Variants in TSHZ3 observed in about 807,000 individuals in gnomAD.
The protein encoded by TSHZ3 is teashirt zinc finger homeobox 3, also known as teashirt homolog 3.
In TSHZ3, 10 loss-of-function variants were observed where a neutral mutation model predicts 64.5. The ratio of observed to expected loss-of-function variants is 0.16; its 90% CI spans 0.10 to 0.26. The LOEUF is 0.26. Among genes scored for constraint, TSHZ3 ranks in the 10% least tolerant of loss-of-function variants. The probability of loss-of-function intolerance (pLI) is 1.00; values close to 1 mark genes in which losing one functional copy is unlikely to be tolerated. For synonymous variants in TSHZ3, 608 were observed against 593.1 expected (o/e 1.03, Z -0.36); for missense variants, 1,242 against 1,421.7 (o/e 0.87, Z 2.03).
chr19:31,163,380 A>G (rs186700666), intron 5 of TSHZ3, among the ~76,000 whole-genome samples: 23 of 152,284 alleles, frequency 1.5e-4, no homozygotes, highest in African/African-American at 5.3e-4. Flanking sequence ...TGTAGTGGAG[A>G]ATAGAGAGGC....
intron 1 of TSHZ3, among the ~76,000 whole-genome samples, chr19:31,261,855 A>G (rs1404301059): frequency 6.6e-6 from 1 of 152,164 alleles, no homozygotes; most frequent in Non-Finnish European, 1.5e-5. Flanking sequence ...AGAGATGTTA[A>G]GCCATCAGTC....
intron 1 of TSHZ3, among the ~76,000 whole-genome samples, chr19:31,301,313 C>G (rs577316978): frequency 1.3e-5 from 2 of 152,182 alleles, no homozygotes; most frequent in Non-Finnish European, 2.9e-5. Context: ...GCCCAGTGAA[C>G]AGCAGCATTG....
chr19:31,338,585 T>C (rs1205486564), intron 1 of TSHZ3, among the ~76,000 whole-genome samples: 2 of 149,798 alleles, frequency 1.3e-5, no homozygotes, highest in African/African-American at 4.9e-5. Context: ...TTTTTTCTTT[T>C]TTTTTTTTTT....
intron 1 of TSHZ3, among the ~76,000 whole-genome samples, chr19:31,253,923 T>C (rs1975874696): frequency 6.6e-6 from 1 of 152,074 alleles, no homozygotes; most frequent in Non-Finnish European, 1.5e-5. Flanking sequence ...ATCTCAAAAT[T>C]AAGGAAATTT....
chr19:31,238,723 T>C (rs1383115978), intron 3 of TSHZ3, among the ~76,000 whole-genome samples: 1 of 152,206 alleles, frequency 6.6e-6, no homozygotes, highest in Non-Finnish European at 1.5e-5. Context: ...TTCTTACTCT[T>C]ATTGTTTGCA....
chr19:31,171,120 T>C (rs1355139025), intron 5 of TSHZ3, among the ~76,000 whole-genome samples: 4 of 152,048 alleles, frequency 2.6e-5, no homozygotes, highest in Non-Finnish European at 5.9e-5. Flanking sequence ...GTACACTTGG[T>C]AGAAAAAATG....
At position 31,258,417 on chromosome 19, in the gene TSHZ3, C is replaced by T. The variant is rs529380111; in HGVS notation, n.64-15542G>A. On this transcript the variant is annotated intron_variant and non_coding_transcript_variant, in intron 1 of 6. Coordinates refer to the TSHZ3 transcript ENST00000651361. ...CTTGATGGCCAGGAGAGGCCACTTG[C>T]AAACCCTTGCTCCAAGTCCTCAACC... Among the ~76,000 whole-genome samples, 13 of 152,310 alleles carry T rather than the reference C, an allele frequency of 8.5e-5. No individual in the cohort carries two copies. In the South Asian group the frequency reaches 2.7e-3, roughly 32 times the overall value.
chr19:31,269,979 C>T (rs1976112940), downstream of TSHZ3, among the ~76,000 whole-genome samples: 1 of 152,190 alleles, frequency 6.6e-6, no homozygotes, highest in South Asian at 2.1e-4. Flanking sequence ...AAGAACAGCA[C>T]AGGGACCGCC....
downstream of TSHZ3, among the ~76,000 whole-genome samples, chr19:31,271,204 G>C (rs747355208): frequency 1.3e-5 from 2 of 152,104 alleles, no homozygotes; most frequent in East Asian, 3.9e-4. Flanking sequence ...ATCATCCAGC[G>C]CTTTGGGATG....
chr19:31,167,387 C>T (rs1331821822), intron 5 of TSHZ3: 1 of 152,124 alleles, frequency 6.6e-6, no homozygotes, highest in Non-Finnish European at 1.5e-5. Flanking sequence ...AATTCAAGCC[C>T]CCTCACTTTA....
intron 4 of TSHZ3, among the ~76,000 whole-genome samples, chr19:31,222,722 T>G (rs79304292): frequency 1.4e-3 from 216 of 152,290 alleles, no homozygotes; most frequent in Admixed American, 2.5e-3. Context: ...TGAATGGAGT[T>G]AATTTGAATT....
chr19:31,232,850 T>C (rs1975559266), intron 3 of TSHZ3, among the ~76,000 whole-genome samples: 1 of 152,252 alleles, frequency 6.6e-6, no homozygotes, highest in South Asian at 2.1e-4. Context: ...CCTGTTTCTT[T>C]CACTTAGCAC....
At chr19:31,229,751 T>C (rs1256498642) in intron 3 of TSHZ3, among the ~76,000 whole-genome samples, 1 of 152,186 alleles carries the variant, frequency 6.6e-6, no homozygotes, top group African/African-American at 2.4e-5. Flanking sequence ...AATGTCAATG[T>C]GGACAAAAGA....
rs139056816 is a variant in TSHZ3 at position 31,277,492 on chromosome 19, C to G, written c.2301G>C (p.Pro767=). 2.5e-6 allele frequency: 4 copies of G among 1,608,948 alleles called. No individual in the cohort carries two copies. Among genetic ancestry groups the G allele is most frequent in the Non-Finnish European group, 3.4e-6 (4 of 1,176,556 alleles). Reference sequence around the variant, plus strand: ...GGTCTGCCTTCTTGGACTGCAGGGGCGGCGGGGTGGCCACAGCAGCCTTCT... The same window carrying G: ...GGTCTGCCTTCTTGGACTGCAGGGGGGGCGGGGTGGCCACAGCAGCCTTCT... ...LAEKAAVATP[P]PLQSKKADHL... is the part of the protein sequence containing the mutation. Residue 767 remains proline, a synonymous_variant, in exon 2 of 2, where the codon CCG becomes CCC. Coordinates refer to ENST00000240587, the MANE Select transcript of TSHZ3 (RefSeq NM_020856.4). This position sits in a 1 kb window ranked among gnomAD's most constrained non-coding sequence, Gnocchi z 4.5.
At chr19:31,245,739 A>C (rs1476831432) in intron 1 of TSHZ3, among the ~76,000 whole-genome samples, 1 of 152,152 alleles carries the variant, frequency 6.6e-6, no homozygotes, top group Non-Finnish European at 1.5e-5. Flanking sequence ...TTGCAGTCTC[A>C]AGAGTGCATT....
At chr19:31,178,656 G>A (rs138152822) in intron 5 of TSHZ3, among the ~76,000 whole-genome samples, 2,687 of 152,272 alleles carry the variant, frequency 0.018, 76 homozygotes, top group African/African-American at 0.061. Flanking sequence ...TCCAGCCTGG[G>A]CGACAAGAAC....
intron 4 of TSHZ3, among the ~76,000 whole-genome samples, chr19:31,211,012 A>C (rs1276552544): frequency 6.6e-6 from 1 of 152,240 alleles, no homozygotes; most frequent in Non-Finnish European, 1.5e-5. Flanking sequence ...TACATGAATT[A>C]TATTAAGTAA....
chr19:31,279,954 C>CAAA lies in TSHZ3; in HGVS notation c.41-205_41-203dup, dbSNP rs34501594. Among the ~76,000 whole-genome samples the CAAA allele has an allele frequency of 3.0e-3, 435 of 145,560 alleles. 1 individual carries two copies. The highest frequency in any genetic ancestry group is 5.0e-3 in the South Asian group (23 of 4,604). On this transcript the variant is annotated intron_variant, in intron 1 of 1. Coordinates refer to ENST00000240587, the MANE Select transcript of TSHZ3 (RefSeq NM_020856.4). The surrounding 1 kb of genome is among the most constrained non-coding windows in gnomAD (Gnocchi z 6.4). Reference sequence around the variant, plus strand: ...GTTAAAATGTGGTGTTTCTTTGGAGCAAAAAAAAAAAAAAATCTGCTCTTC... The same window carrying CAAA: ...GTTAAAATGTGGTGTTTCTTTGGAGCAAAAAAAAAAAAAAAAAATCTGCTCTTC...
chr19:31,158,228 G>A (rs1263368377), intron 5 of TSHZ3, among the ~76,000 whole-genome samples: 2 of 152,186 alleles, frequency 1.3e-5, no homozygotes, highest in Non-Finnish European at 2.9e-5. Flanking sequence ...GAAAGAAAAT[G>A]TACTATCAAT....
Sources: gnomAD v4.1 joint callset for allele counts (sites outside exome capture counted in the v4.1 genomes callset) on GRCh38, gnomAD v4.1.1 for gene constraint, Gnocchi (gnomAD v3.1) non-coding constraint, MANE v1.5 for transcripts, NCBI Gene and HGNC (gene_info 2026-07-23, HGNC 2026-07-21) for gene names.